Variants in AGBL4 observed in about 807,000 individuals in gnomAD.
AGBL4 encodes the protein AGBL carboxypeptidase 4, also known as cytosolic carboxypeptidase 6.
A neutral mutation model predicts 66.4 loss-of-function variants in AGBL4; 58 were observed. That is an observed-to-expected ratio of 0.87 (90% CI 0.71 to 1.09). The LOEUF is 1.09. AGBL4 is among the 50% of genes least tolerant of loss of function. AGBL4 has a pLI of 0.00. For missense variants in AGBL4, 579 were observed against 631.0 expected (o/e 0.92, Z 0.88); for synonymous variants, 234 against 222.9 (o/e 1.05, Z -0.44).
chr1:49,932,564 G>A (rs781373966), intron 1 of AGBL4, among the ~76,000 whole-genome samples: 5 of 152,030 alleles, frequency 3.3e-5, no homozygotes, highest in Non-Finnish European at 7.4e-5. Flanking sequence ...GGGAAGTCAA[G>A]ACACTAACCG....
chr1:48,849,817 A>G (rs1646994099), intron 6 of AGBL4, among the ~76,000 whole-genome samples: 2 of 152,116 alleles, frequency 1.3e-5, no homozygotes, highest in South Asian at 4.1e-4. Context: ...TACTAAAAAT[A>G]TAAAAATTAG....
intron 1 of AGBL4, among the ~76,000 whole-genome samples, chr1:49,912,589 G>T (rs1482425863): frequency 6.6e-6 from 1 of 152,146 alleles, no homozygotes; most frequent in Non-Finnish European, 1.5e-5. Flanking sequence ...TTGTCTCACA[G>T]GAACTACGTG....
At chr1:49,819,061 T>C (rs1645300825) in intron 2 of AGBL4, among the ~76,000 whole-genome samples, 1 of 152,152 alleles carries the variant, frequency 6.6e-6, no homozygotes, top group African/African-American at 2.4e-5. Context: ...GCCTATTTCA[T>C]GGGATTCTTA....
the AGBL4 span, among the ~76,000 whole-genome samples, chr1:48,524,632 T>C: frequency 6.6e-6 from 1 of 152,156 alleles, no homozygotes; most frequent in Non-Finnish European, 1.5e-5. Flanking sequence ...TATGAGTAGA[T>C]GTAAAAAAAT....
At chr1:49,735,738 G>A (rs1262622656) in intron 2 of AGBL4, among the ~76,000 whole-genome samples, 2 of 151,918 alleles carry the variant, frequency 1.3e-5, no homozygotes, top group Non-Finnish European at 2.9e-5. Context: ...TTTAGCTGTG[G>A]CACCAAAAAG....
intron 8 of AGBL4, among the ~76,000 whole-genome samples, chr1:48,639,432 A>G (rs2148421688): frequency 6.6e-6 from 1 of 152,266 alleles, no homozygotes; most frequent in South Asian, 2.1e-4. Flanking sequence ...CCTAGGCTCA[A>G]TGGACTTATT....
intron 3 of AGBL4, among the ~76,000 whole-genome samples, chr1:49,663,699 T>C (rs1285592291): frequency 1.3e-5 from 2 of 151,134 alleles, no homozygotes; most frequent in African/African-American, 4.9e-5. Flanking sequence ...AATGAACAGA[T>C]AGAAAATGAT....
chr1:49,428,473 C>A (rs1645714410), intron 3 of AGBL4, among the ~76,000 whole-genome samples: 1 of 152,258 alleles, frequency 6.6e-6, no homozygotes, highest in South Asian at 2.1e-4. Context: ...ACAGAAAATA[C>A]TGACCTGATG....
At chr1:49,982,949 G>A (rs1208706752) in intron 1 of AGBL4, among the ~76,000 whole-genome samples, 1 of 152,138 alleles carries the variant, frequency 6.6e-6, no homozygotes, top group Admixed American at 6.5e-5. Context: ...CATGAGAGCT[G>A]AGCACTCAGC....
At chr1:49,138,477 T>C (rs963222700) in intron 4 of AGBL4, among the ~76,000 whole-genome samples, 1 of 152,132 alleles carries the variant, frequency 6.6e-6, no homozygotes, top group African/African-American at 2.4e-5. Flanking sequence ...TTGATGCCAA[T>C]TTGTTCCTTA....
At chr1:49,559,793 G>A (rs1011858318) in intron 3 of AGBL4, among the ~76,000 whole-genome samples, 2 of 152,068 alleles carry the variant, frequency 1.3e-5, no homozygotes, top group Non-Finnish European at 2.9e-5. Flanking sequence ...TGAGGTTTTG[G>A]GACTTGGACT....
rs1039533307 is a variant in AGBL4, at chr1:48,714,390, G to A, written c.635-51149C>T. Among the ~76,000 whole-genome samples the A allele has an allele frequency of 3.9e-5, 6 of 152,160 alleles. No individual in the cohort carries two copies. In the East Asian group the frequency reaches 7.7e-4, roughly 20 times the overall value. On this transcript the variant is annotated intron_variant, in intron 6 of 13. Coordinates refer to ENST00000371839, the MANE Select transcript of AGBL4 (RefSeq NM_032785.4). The stretch of plus-strand genomic sequence containing the variant: ...CACCCACTCAGCCAAGCCACAAACC[G>A]TGGAGTCATCACTGGGTCTTCCTTT...
At chr1:49,867,844 G>C (rs1004294609) in intron 1 of AGBL4, among the ~76,000 whole-genome samples, 2 of 152,108 alleles carry the variant, frequency 1.3e-5, no homozygotes, top group African/African-American at 4.8e-5. Context: ...CTATCATCAT[G>C]ATGACAGGAT....
In AGBL4 at chr1:49,773,575, C is replaced by A. The variant is rs112675946; in HGVS notation, c.158-76138G>T. Among the ~76,000 whole-genome samples, 270 of 152,274 alleles carry A rather than the reference C, an allele frequency of 1.8e-3. 3 individuals carry two copies. The highest frequency in any genetic ancestry group is 6.1e-3 in the African/African-American group (252 of 41,542). On this transcript the variant is annotated intron_variant, in intron 2 of 13. Transcript: ENST00000371839. ...CTCATCTGCAACACCTGTGATATCT[C>A]AGTGGCCCAGGCTGCATTTGTGGTG...
chr1:49,957,614 T>TGGCC (rs1656730509), intron 1 of AGBL4, among the ~76,000 whole-genome samples: 1 of 152,074 alleles, frequency 6.6e-6, no homozygotes, highest in Non-Finnish European at 1.5e-5. Context: ...CATTATGTAA[T>TGGCC]GGCCTTCTTT....
intron 2 of AGBL4, among the ~76,000 whole-genome samples, chr1:49,790,974 T>C (rs1644585435): frequency 6.6e-6 from 1 of 152,122 alleles, no homozygotes; most frequent in Non-Finnish European, 1.5e-5. Context: ...ATATAAAACA[T>C]ATAATAACAA....
chr1:49,071,075 G>A (rs1644594048), intron 4 of AGBL4, among the ~76,000 whole-genome samples: 1 of 151,790 alleles, frequency 6.6e-6, no homozygotes, highest in Non-Finnish European at 1.5e-5. Context: ...TATTTCTGTG[G>A]GATTGGTGGT....
At chr1:49,577,174 C>T (rs1277181891) in intron 3 of AGBL4, among the ~76,000 whole-genome samples, 2 of 152,276 alleles carry the variant, frequency 1.3e-5, no homozygotes, top group East Asian at 3.9e-4. Flanking sequence ...ATTTGTATAT[C>T]ATGTGAGTGC....
At chr1:49,897,459 C>T (rs539200274) in intron 1 of AGBL4, among the ~76,000 whole-genome samples, 1 of 151,534 alleles carries the variant, frequency 6.6e-6, no homozygotes, top group Non-Finnish European at 1.5e-5. Flanking sequence ...TTGAAGAGGA[C>T]ACAAAAAAGT....
Sources: gnomAD v4.1 joint callset for allele counts (sites outside exome capture counted in the v4.1 genomes callset) on GRCh38, gnomAD v4.1.1 for gene constraint, MANE v1.5 for transcripts, NCBI Gene and HGNC (gene_info 2026-07-23, HGNC 2026-07-21) for gene names.